Variants in SUGCT observed in about 807,000 individuals in gnomAD.
SUGCT encodes the protein succinyl-CoA:glutarate CoA-transferase.
In SUGCT, 41 loss-of-function variants were observed where a neutral mutation model predicts 55.0. The observed-to-expected ratio is 0.74, with a 90% confidence interval of 0.58 to 0.97. The LOEUF is 0.97. Among genes scored for constraint, SUGCT ranks in the 50% least tolerant of loss-of-function variants. The probability of loss-of-function intolerance (pLI) is 0.00; values close to 1 mark genes in which losing one functional copy is unlikely to be tolerated. For synonymous variants in SUGCT, 187 were observed against 200.4 expected (o/e 0.93, Z 0.56); for missense variants, 568 against 547.8 (o/e 1.04, Z -0.37).
At chr7:40,718,409 AT>A (rs1210867153) in intron 12 of SUGCT, among the ~76,000 whole-genome samples, 1 of 152,196 alleles carries the variant, frequency 6.6e-6, no homozygotes, top group African/African-American at 2.4e-5. Context: ...GAGATTTGGT[AT>A]TATTAAGTAA....
intron 6 of SUGCT, among the ~76,000 whole-genome samples, chr7:40,225,642 G>A (rs1157702259): frequency 4.6e-5 from 7 of 151,946 alleles, no homozygotes; most frequent in African/African-American, 1.5e-4. Context: ...CACCATGTTG[G>A]CCAGGCTGGT....
At chr7:40,696,795 A>G (rs1285440880) in intron 12 of SUGCT, among the ~76,000 whole-genome samples, 1 of 152,216 alleles carries the variant, frequency 6.6e-6, no homozygotes, top group Non-Finnish European at 1.5e-5. Flanking sequence ...CAATGACTGC[A>G]GCTGGAAAAA....
At chr7:40,533,923 G>A (rs1359209830) in intron 12 of SUGCT, among the ~76,000 whole-genome samples, 1 of 151,252 alleles carries the variant, frequency 6.6e-6, no homozygotes, top group Non-Finnish European at 1.5e-5. Context: ...TTACAGGTTT[G>A]GGAACAGTTT....
intron 9 of SUGCT, among the ~76,000 whole-genome samples, chr7:40,394,133 T>A (rs1785590031): frequency 6.6e-6 from 1 of 152,258 alleles, no homozygotes; most frequent in East Asian, 1.9e-4. Context: ...TTTATAGCAG[T>A]GGTTTTGAGA....
intron 13 of SUGCT, among the ~76,000 whole-genome samples, chr7:40,763,671 G>C (rs767665468): frequency 6.6e-6 from 1 of 152,022 alleles, no homozygotes; most frequent in African/African-American, 2.4e-5. Flanking sequence ...AAGGAAGGGC[G>C]GTTGGCTCCA....
At chr7:40,249,193 G>T (rs1790136669) in intron 7 of SUGCT, among the ~76,000 whole-genome samples, 2 of 150,762 alleles carry the variant, frequency 1.3e-5, no homozygotes, top group African/African-American at 4.9e-5. Flanking sequence ...TCAGGCAGCT[G>T]AGGTGGGAGG....
chr7:40,909,749 G>A, the SUGCT span, among the ~76,000 whole-genome samples: 1 of 152,138 alleles, frequency 6.6e-6, no homozygotes, highest in Non-Finnish European at 1.5e-5. Context: ...CAGACAGACC[G>A]GCTCCAAGGT....
intron 12 of SUGCT, among the ~76,000 whole-genome samples, chr7:40,582,355 C>T (rs1797147314): frequency 6.6e-6 from 1 of 152,134 alleles, no homozygotes; most frequent in Non-Finnish European, 1.5e-5. Flanking sequence ...GTTTTAGTGT[C>T]TCTCAACAAT....
At chr7:40,148,470 C>A (rs1788382410) in intron 1 of SUGCT, among the ~76,000 whole-genome samples, 1 of 152,064 alleles carries the variant, frequency 6.6e-6, no homozygotes, top group Non-Finnish European at 1.5e-5. Context: ...CATGGAGAAA[C>A]CTCGTCTCTA....
At chr7:41,023,481 T>A in the SUGCT span, among the ~76,000 whole-genome samples, 62 of 151,284 alleles carry the variant, frequency 4.1e-4, 2 homozygotes, top group East Asian at 0.011. Flanking sequence ...AAAGAAAAAA[T>A]AAAAATATAT....
chr7:40,440,170 T>G (rs1257979817), intron 9 of SUGCT, among the ~76,000 whole-genome samples: 6 of 141,366 alleles, frequency 4.2e-5, no homozygotes, highest in Non-Finnish European at 7.6e-5. Flanking sequence ...TTTTTTTTTT[T>G]TTTTTTTAAG....
chr7:40,471,361 T>A (rs915653751), intron 11 of SUGCT, among the ~76,000 whole-genome samples: 2 of 151,460 alleles, frequency 1.3e-5, no homozygotes, highest in Non-Finnish European at 2.9e-5. Context: ...ATAATAATAT[T>A]TAAAATAAAA....
At chr7:41,033,153 C>G in the SUGCT span, among the ~76,000 whole-genome samples, 5 of 152,188 alleles carry the variant, frequency 3.3e-5, no homozygotes, top group Admixed American at 2.0e-4. Context: ...GGTCATTCAA[C>G]AATCAAATTG....
At chr7:40,990,900 G>T in the SUGCT span, among the ~76,000 whole-genome samples, 1 of 152,148 alleles carries the variant, frequency 6.6e-6, no homozygotes, top group South Asian at 2.1e-4. Context: ...CCTTGCTTTG[G>T]ATTAGGCTTA....
intron 12 of SUGCT, among the ~76,000 whole-genome samples, chr7:40,633,468 A>T (rs1286994567): frequency 6.6e-6 from 1 of 152,210 alleles, no homozygotes. Flanking sequence ...GTTCACAATG[A>T]ACTGACATGT....
chr7:40,316,718 ACTAGC>A (rs1795451077), intron 8 of SUGCT, 37 bp from the exon 9 acceptor site: 17 of 1,287,258 alleles, frequency 1.3e-5, no homozygotes, highest in Non-Finnish European at 1.9e-5. Context: ...GTATAGATAA[ACTAGC>A]TGTTCTATTT....
At chr7:40,159,148 G>C (rs1255962635) in intron 1 of SUGCT, among the ~76,000 whole-genome samples, 2 of 152,088 alleles carry the variant, frequency 1.3e-5, no homozygotes, top group South Asian at 2.1e-4. Flanking sequence ...TCCAATTCCT[G>C]TGCTCAAGTG....
intron 9 of SUGCT, among the ~76,000 whole-genome samples, chr7:40,351,118 A>G (rs2151198831): frequency 6.6e-6 from 1 of 152,176 alleles, no homozygotes; most frequent in Admixed American, 6.5e-5. Flanking sequence ...TGAGTTGTGT[A>G]TATGTTCTTT....
At position 40,860,582 on chromosome 7, in the gene SUGCT, G is replaced by T. The variant is rs1397839524; in HGVS notation, c.*103G>T. The T allele has an allele frequency of 2.5e-6, 3 of 1,217,334 alleles. No individual in the cohort carries two copies. The African/African-American group carries it at 4.5e-5, about 18-fold the overall frequency. 75.4% of individuals were successfully genotyped at this position (1,217,334 alleles called of 1,614,324 possible). A position where few individuals can be genotyped will look rare whatever the true frequency, so the allele number is the denominator to read the frequency against. On this transcript the variant is annotated 3_prime_UTR_variant, in exon 14 of 14. Transcript: ENST00000335693. The stretch of plus-strand genomic sequence containing the variant: ...CCAGTTCTGATACCACTAAAAAGAA[G>T]ATTTAGAGTAACTCCAGATTTCTTA...
Sources: allele counts gnomAD v4.1 joint callset (sites outside exome capture counted in the v4.1 genomes callset), GRCh38; gene constraint gnomAD v4.1.1; transcripts MANE v1.5; gene names NCBI Gene and HGNC (gene_info 2026-07-23, HGNC 2026-07-21).